ACSS3: variants seen among roughly 807,000 people sequenced by gnomAD.
ACSS3 encodes the protein acyl-CoA synthetase short chain family member 3.
Under a neutral mutation model 84.2 loss-of-function variants are expected in ACSS3, and 64 were observed. The observed-to-expected ratio is 0.76, with a 90% CI of 0.62 to 0.94. The LOEUF (loss-of-function observed/expected upper bound fraction) is 0.94, where lower values mean the gene tolerates loss of function less well. Ranked by LOEUF, ACSS3 falls within the 40% of genes least tolerant of loss-of-function variation. ACSS3 has a pLI of 0.00. For missense variants in ACSS3, 815 were observed against 867.6 expected (o/e 0.94, Z 0.76); for synonymous variants, 317 against 310.1 (o/e 1.02, Z -0.23).
chr12:81,163,216 C>T (rs1040592642), intron 7 of ACSS3, among the ~76,000 whole-genome samples: 4 of 152,120 alleles, frequency 2.6e-5, no homozygotes, highest in African/African-American at 7.2e-5. Flanking sequence ...GTAGTTCAAA[C>T]GTTTCAAAAA....
chr12:81,169,677 T>C (rs941590069), intron 7 of ACSS3, among the ~76,000 whole-genome samples: 3 of 152,208 alleles, frequency 2.0e-5, no homozygotes, highest in African/African-American at 7.2e-5. Context: ...ATTTTAATTT[T>C]TTTTTCACTA....
chr12:81,238,284 T>A (rs887335918), intron 13 of ACSS3, among the ~76,000 whole-genome samples: 5 of 150,948 alleles, frequency 3.3e-5, no homozygotes, highest in African/African-American at 9.7e-5. Context: ...TAGTTTTTTT[T>A]AATTGTCTTA....
At chr12:81,138,604 T>C (rs891381075) in intron 3 of ACSS3, among the ~76,000 whole-genome samples, 2 of 152,200 alleles carry the variant, frequency 1.3e-5, no homozygotes, top group Non-Finnish European at 2.9e-5. Context: ...TGGGAGCCTT[T>C]TTAAGAAAAT....
chr12:81,144,678 C>A (rs71466008), intron 5 of ACSS3, among the ~76,000 whole-genome samples: 9,330 of 152,130 alleles, frequency 0.061, 409 homozygotes, highest in Middle Eastern at 0.12. Context: ...CTGAAGAAAT[C>A]TTATAAAAAC....
chr12:81,199,543 A>G, intron 9 of ACSS3, 99 bp downstream of exon 9: 1 of 1,468,562 alleles, frequency 6.8e-7, no homozygotes, highest in Non-Finnish European at 9.3e-7. Flanking sequence ...CAGATCAGAC[A>G]CAAACTCGGG....
At chr12:81,135,351 CAT>C (rs1491248985) in intron 3 of ACSS3, among the ~76,000 whole-genome samples, 3 of 138,256 alleles carry the variant, frequency 2.2e-5, no homozygotes, top group Middle Eastern at 3.7e-3. Flanking sequence ...TTATATATCA[CAT>C]ATATAATATA....
At chr12:81,162,884 A>G (rs1165854306) in intron 7 of ACSS3, among the ~76,000 whole-genome samples, 1 of 152,122 alleles carries the variant, frequency 6.6e-6, no homozygotes, top group African/African-American at 2.4e-5. Flanking sequence ...CATCACCTGG[A>G]CAGGGCCACA....
At position 81,123,300 on chromosome 12, in the gene ACSS3, C is replaced by A. The variant is rs188387764; in HGVS notation, c.457-11516C>A. 3.7e-3 allele frequency among the ~76,000 whole-genome samples: 566 copies of A among 152,112 alleles called. 1 individual carries two copies. Among genetic ancestry groups the A allele is most frequent in the Non-Finnish European group, 6.4e-3 (438 of 67,984 alleles). On this transcript the variant is annotated intron_variant, in intron 2 of 15. Transcript: ENST00000548058. ...GCTGGAAACAGATACATGAGAAGAT[C>A]CTACGGTTTTGCTTTTTTGGTAGAT...
At chr12:81,174,002 C>A (rs1423873773) in intron 7 of ACSS3, among the ~76,000 whole-genome samples, 2 of 151,992 alleles carry the variant, frequency 1.3e-5, no homozygotes, top group Non-Finnish European at 2.9e-5. Context: ...TTTAGAAACA[C>A]AGGAAGAGGT....
chr12:81,250,193 A>G (rs1418262657), intron 13 of ACSS3, among the ~76,000 whole-genome samples: 1 of 152,094 alleles, frequency 6.6e-6, no homozygotes, highest in Non-Finnish European at 1.5e-5. Flanking sequence ...GAATGTTGCC[A>G]AGACATATTT....
At chr12:81,219,908 A>T in intron 10 of ACSS3, 105 bp from the exon 11 acceptor site, 2 of 624,136 alleles carry the variant, frequency 3.2e-6, no homozygotes, top group Non-Finnish European at 2.4e-6. Flanking sequence ...TTAAAAGATT[A>T]CTCTCTTAAG....
At chr12:81,138,701 T>A (rs992259114) in intron 3 of ACSS3, among the ~76,000 whole-genome samples, 4 of 152,188 alleles carry the variant, frequency 2.6e-5, no homozygotes, top group Non-Finnish European at 5.9e-5. Flanking sequence ...GGTCTTTTTC[T>A]GCTGTAATCT....
intron 8 of ACSS3, among the ~76,000 whole-genome samples, chr12:81,196,397 A>G (rs1455262920): frequency 2.0e-5 from 3 of 152,216 alleles, no homozygotes; most frequent in Admixed American, 1.3e-4. Flanking sequence ...TAATTTTTAT[A>G]TTCATTGCAT....
At chr12:81,175,667 A>G (rs575447909) in intron 8 of ACSS3, among the ~76,000 whole-genome samples, 3 of 152,334 alleles carry the variant, frequency 2.0e-5, no homozygotes, top group African/African-American at 7.2e-5. Context: ...TCAGACCACA[A>G]TGAAATAAAA....
At chr12:81,250,197 C>A (rs1190060400) in intron 13 of ACSS3, among the ~76,000 whole-genome samples, 1 of 152,062 alleles carries the variant, frequency 6.6e-6, no homozygotes, top group Non-Finnish European at 1.5e-5. Context: ...GTTGCCAAGA[C>A]ATATTTCAAC....
intron 12 of ACSS3, among the ~76,000 whole-genome samples, chr12:81,232,357 C>A (rs1392561417): frequency 2.0e-5 from 3 of 151,734 alleles, no homozygotes. Context: ...TGATCTCAAA[C>A]CTGTTATTTG....
chr12:81,251,343 T>G (rs1340078419), intron 13 of ACSS3, among the ~76,000 whole-genome samples: 1 of 152,130 alleles, frequency 6.6e-6, no homozygotes, highest in African/African-American at 2.4e-5. Context: ...ATGTACAGAG[T>G]AGACCATAAT....
At chr12:81,149,445 G>A (rs183213073) in intron 5 of ACSS3, among the ~76,000 whole-genome samples, 14 of 152,098 alleles carry the variant, frequency 9.2e-5, no homozygotes, top group East Asian at 7.7e-4. Flanking sequence ...TGTAACCTTC[G>A]TGTTTTTTAT....
At chr12:81,078,042 T>A (rs1880724309), upstream of ACSS3, 2 of 1,404,102 alleles carry the variant, frequency 1.4e-6, no homozygotes, top group East Asian at 2.6e-5. Context: ...CCCCGCCCCC[T>A]ACTCCCTTCC....
Sources: gnomAD v4.1 joint callset for allele counts (sites outside exome capture counted in the v4.1 genomes callset) on GRCh38, gnomAD v4.1.1 for gene constraint, MANE v1.5 for transcripts, NCBI Gene and HGNC (gene_info 2026-07-23, HGNC 2026-07-21) for gene names.